Variants in MTF2 observed in about 807,000 individuals in gnomAD.
MTF2 encodes the protein metal response element binding transcription factor 2, also known as metal-response element-binding transcription factor 2.
A neutral mutation model predicts 79.5 loss-of-function variants in MTF2; 11 were observed. The ratio of observed to expected loss-of-function variants is 0.14; its 90% CI spans 0.09 to 0.23. MTF2 has a LOEUF of 0.23. MTF2 is among the 10% of genes least tolerant of loss of function. The pLI is 1.00. For missense variants in MTF2, 486 were observed against 711.2 expected (o/e 0.68, Z 3.60); for synonymous variants, 208 against 232.8 (o/e 0.89, Z 0.97).
rs929852645 is a variant in MTF2, at chr1:93,133,636, A to G, written c.1161-67A>G. On this transcript the variant is annotated intron_variant, in intron 11 of 14. Transcript: ENST00000370298. ...AATATATGTATATGTGTCTAGTTACATACATAGAGTCAATGTCTTTGTTTT... is the reference window on the plus strand; with the variant it reads ...AATATATGTATATGTGTCTAGTTACGTACATAGAGTCAATGTCTTTGTTTT... 4 of 1,005,074 alleles carry G rather than the reference A, an allele frequency of 4.0e-6. No homozygotes were observed. In the Admixed American group the frequency reaches 9.2e-5, roughly 23 times the overall value. The allele number at this position is 1,005,074 out of a possible 1,614,324, so 62.3% of individuals were successfully genotyped here. A position where few individuals can be genotyped will look rare whatever the true frequency, so the allele number is the denominator to read the frequency against.
chr1:93,088,237 A>G (rs1415023933), intron 1 of MTF2, among the ~76,000 whole-genome samples: 2 of 152,168 alleles, frequency 1.3e-5, no homozygotes, highest in Non-Finnish European at 2.9e-5. Context: ...TCAACTTTAT[A>G]AATTCTGGAC....
At position 93,130,530 on chromosome 1, in the gene MTF2, T is replaced by C. The variant is rs1285059338; in HGVS notation, c.1160+1082T>C. On this transcript the variant is annotated intron_variant, in intron 11 of 14. Transcript: ENST00000370298. ...AGGCGGAGGTTGCAGTGAGCCGAGATCGTGCCACTGCACTCCAGCCTGGGC... is the reference window on the plus strand; with the variant it reads ...AGGCGGAGGTTGCAGTGAGCCGAGACCGTGCCACTGCACTCCAGCCTGGGC... Among the ~76,000 whole-genome samples, 3 of 151,962 alleles carry C rather than the reference T, an allele frequency of 2.0e-5. No homozygotes were observed. In the East Asian group the frequency reaches 5.8e-4, roughly 29 times the overall value.
At chr1:93,092,592 A>AT (rs1557542787) in intron 1 of MTF2, among the ~76,000 whole-genome samples, 2 of 152,072 alleles carry the variant, frequency 1.3e-5, no homozygotes, top group Non-Finnish European at 2.9e-5. Flanking sequence ...AATTTTATAT[A>AT]TTTTTTATAA....
At position 93,114,988 on chromosome 1, in the gene MTF2, G is replaced by A. The variant is rs772872603; in HGVS notation, c.383G>A (p.Gly128Glu). 6.3e-7 allele frequency: 1 copy of A among 1,577,066 alleles called. No homozygotes were observed. The highest frequency in any genetic ancestry group is 8.7e-7 in the Non-Finnish European group (1 of 1,152,006). Reference protein sequence around the residue: ...EMVICDKCGQGYHQLCHTPHI... With the variant: ...EMVICDKCGQEYHQLCHTPHI... ...GCTTTATGCTTTTTTTGATATTAAG[G>A]ATATCATCAGTTGTGTCACACACCT... The change falls in exon 5 of 15, where the codon GGA becomes GAA. Residue 128 changes from glycine to glutamate, a missense_variant and splice_region_variant. This residue lies in a region of MTF2 where 177 missense variants were observed against 364.0 expected (regional missense o/e 0.49). Coordinates refer to ENST00000370298, the MANE Select transcript of MTF2 (RefSeq NM_007358.4).
rs1647511023 is a variant in MTF2 at position 93,138,805 on chromosome 1, A to ATCCT, written c.*1780_*1783dup. The ATCCT allele has an allele frequency of 6.6e-6, 1 of 152,188 alleles. No individual in the cohort carries two copies. The highest frequency in any genetic ancestry group is 2.4e-5 in the African/African-American group (1 of 41,448). 9.4% of individuals were successfully genotyped at this position (152,188 alleles called of 1,614,324 possible). A position where few individuals can be genotyped will look rare whatever the true frequency, so the allele number is the denominator to read the frequency against. The stretch of plus-strand genomic sequence containing the variant: ...GTAATGAAAAATGTAAATCCCGTGT[A>ATCCT]TCCTTATTCACTCCACCTGTATCAT... On this transcript the variant is annotated 3_prime_UTR_variant, in exon 15 of 15. Transcript: ENST00000370298.
intron 9 of MTF2, chr1:93,121,475 T>G: frequency 1.0e-6 from 1 of 981,000 alleles, no homozygotes; most frequent in Non-Finnish European, 1.2e-6. Flanking sequence ...GTAAAAATTT[T>G]GCACACTGAT....
At chr1:93,095,065 A>G (rs1349410194) in intron 1 of MTF2, among the ~76,000 whole-genome samples, 8 of 152,034 alleles carry the variant, frequency 5.3e-5, no homozygotes, top group African/African-American at 1.7e-4. Flanking sequence ...AGGCTGGAAT[A>G]CAGTGGCTGG....
At chr1:93,083,239 G>C (rs1057394155) in intron 1 of MTF2, among the ~76,000 whole-genome samples, 9 of 152,070 alleles carry the variant, frequency 5.9e-5, no homozygotes, top group East Asian at 5.8e-4. Context: ...AGAACAGCAG[G>C]GGGGAAAATC....
chr1:93,096,529 TTTTCTGTGTTAA>T (rs1246403188), intron 1 of MTF2, among the ~76,000 whole-genome samples: 1 of 152,026 alleles, frequency 6.6e-6, no homozygotes, highest in Non-Finnish European at 1.5e-5. Flanking sequence ...ATGCTTTTTT[TTTTCTGTGTTAA>T]TTTCTGTTCT....
Position 93,115,053 on chromosome 1 carries a change from C to A in MTF2, c.448C>A (p.Leu150Ile). 1 of 1,611,108 alleles carries A rather than the reference C, an allele frequency of 6.2e-7. No individual in the cohort carries two copies. The highest frequency in any genetic ancestry group is 8.5e-7 in the Non-Finnish European group (1 of 1,177,756). The change falls in exon 5 of 15, where the codon CTC becomes ATC. Residue 150 changes from leucine to isoleucine, a missense_variant. By Grantham distance (5) the Leu-to-Ile change is conservative. Transcript: ENST00000370298. ...SSVIDSDEKWLCRQCVFATTT... is the reference protein window; with the variant it reads ...SSVIDSDEKWICRQCVFATTT... ...TGTGATTGATTCAGATGAAAAATGG[C>A]TCTGTCGGCAGTGTGTTTTTGCAAC...
intron 12 of MTF2, 29 bp downstream of exon 12, chr1:93,133,837 A>G (rs1288459512): frequency 1.9e-6 from 3 of 1,559,912 alleles, no homozygotes; most frequent in Admixed American, 1.7e-5. Context: ...ATATGTTCTC[A>G]AGAAGAAGGA....
At chr1:93,103,590 AG>A in intron 1 of MTF2, among the ~76,000 whole-genome samples, 1 of 152,040 alleles carries the variant, frequency 6.6e-6, no homozygotes, top group East Asian at 1.9e-4. Flanking sequence ...TTTTTATGGG[AG>A]GAGATTGCAT....
chr1:93,128,369 C>A (rs1159532804), intron 10 of MTF2, among the ~76,000 whole-genome samples: 1 of 151,850 alleles, frequency 6.6e-6, no homozygotes, highest in Non-Finnish European at 1.5e-5. Context: ...ACCAGCCTGG[C>A]CAACATGGTG....
chr1:93,113,754 GGTTA>G (rs1337294656), intron 3 of MTF2, among the ~76,000 whole-genome samples: 1 of 152,014 alleles, frequency 6.6e-6, no homozygotes, highest in African/African-American at 2.4e-5. Context: ...AGGGTCTTTG[GGTTA>G]GTTACTTTGT....
chr1:93,116,405 C>T (rs1656249611), intron 6 of MTF2, among the ~76,000 whole-genome samples: 1 of 151,938 alleles, frequency 6.6e-6, no homozygotes, highest in South Asian at 2.1e-4. Context: ...TAGCTTTTGG[C>T]CTATCTTGGC....
At chr1:93,109,770 TGAGTGTGAA>T (rs1655957925) in intron 1 of MTF2, among the ~76,000 whole-genome samples, 1 of 152,212 alleles carries the variant, frequency 6.6e-6, no homozygotes, top group Non-Finnish European at 1.5e-5. Flanking sequence ...GCCCTTCCTT[TGAGTGTGAA>T]GAGTGTGAAT....
intron 9 of MTF2, chr1:93,121,861 G>C (rs1176530629): frequency 1.9e-6 from 1 of 529,746 alleles, no homozygotes; most frequent in Non-Finnish European, 2.4e-6. Context: ...GAGTGCAATG[G>C]CGTGATCTCA....
intron 1 of MTF2, among the ~76,000 whole-genome samples, chr1:93,106,716 T>G (rs1270265120): frequency 6.6e-6 from 1 of 152,108 alleles, no homozygotes; most frequent in Non-Finnish European, 1.5e-5. Context: ...ACGGGTTTTT[T>G]CTCCATGTTG....
chr1:93,118,013 A>T (rs1656321092), intron 6 of MTF2, among the ~76,000 whole-genome samples: 1 of 152,170 alleles, frequency 6.6e-6, no homozygotes, highest in Non-Finnish European at 1.5e-5. Context: ...ACATAGCAAT[A>T]CTTGCCTCTT....
Sources: gnomAD v4.1 joint callset for allele counts (sites outside exome capture counted in the v4.1 genomes callset) on GRCh38, gnomAD v4.1.1 for gene constraint, gnomAD v4.1.1 regional missense constraint, MANE v1.5 for transcripts, NCBI Gene and HGNC (gene_info 2026-07-23, HGNC 2026-07-21) for gene names.